The following GLB1L variants were observed in gnomAD, a reference collection of about 807,000 sequenced individuals.
GLB1L encodes beta-galactosidase-1-like protein.
GLB1L carries 58 observed loss-of-function variants against 75.7 expected under a neutral mutation model. The ratio of observed to expected loss-of-function variants is 0.77; its 90% confidence interval spans 0.62 to 0.95. GLB1L has a LOEUF of 0.95. GLB1L is among the 40% of genes least tolerant of loss of function. The probability of loss-of-function intolerance (pLI) is 0.00; values close to 1 mark genes in which losing one functional copy is unlikely to be tolerated. For missense variants in GLB1L, 797 were observed against 805.5 expected (o/e 0.99, Z 0.13); for synonymous variants, 296 against 303.0 (o/e 0.98, Z 0.24).
Position 219,242,774 on chromosome 2 carries a change from C to CGA in GLB1L, c.383_384insTC (p.Trp128CysfsTer19). The CGA allele has an allele frequency of 6.2e-7, 1 of 1,614,154 alleles. No homozygotes were observed. Among genetic ancestry groups the CGA allele is most frequent in the Non-Finnish European group, 8.5e-7 (1 of 1,180,020 alleles). On this transcript the variant is annotated frameshift_variant, in exon 4 of 17. Transcript: ENST00000295759. LOFTEE classifies it high-confidence loss of function. The stretch of plus-strand genomic sequence containing the variant: ...CCTTCTCCAGCTAACTCACCATCTC[C>CGA]CACTCTGCACAGATGTAAGGTCCTG...
chr2:219,239,522 C>T (rs1331912306), intron 9 of GLB1L, 39 bp downstream of exon 9: 1 of 1,613,940 alleles, frequency 6.2e-7, no homozygotes, highest in South Asian at 1.1e-5. Flanking sequence ...CCCCAGCTCC[C>T]AGCTACAGAT....
At chr2:219,242,611 G>A (rs776299768) in intron 4 of GLB1L, 37 bp from the exon 5 acceptor site, 3 of 1,594,684 alleles carry the variant, frequency 1.9e-6, no homozygotes, top group Non-Finnish European at 2.6e-6. Context: ...AAGCATGTAG[G>A]TTTTGTTTTG....
At chr2:219,238,459 G>A in intron 13 of GLB1L, 36 bp downstream of exon 13, 1 of 1,584,324 alleles carries the variant, frequency 6.3e-7, no homozygotes, top group Non-Finnish European at 8.7e-7. Context: ...GTTAAGGGAG[G>A]TTGTCATCTC....
At chr2:219,242,043 A>G (rs1243704381) in intron 5 of GLB1L, among the ~76,000 whole-genome samples, 2 of 152,148 alleles carry the variant, frequency 1.3e-5, no homozygotes, top group Non-Finnish European at 2.9e-5. Flanking sequence ...GCTGGAGTGT[A>G]GTTGTTCAAT....
In GLB1L at chr2:219,239,985, T is replaced by A. The variant is rs1312538312; in HGVS notation, c.656A>T (p.Asp219Val). The A allele has an allele frequency of 6.2e-7, 1 of 1,613,970 alleles. No individual in the cohort carries two copies. The highest frequency in any genetic ancestry group is 8.5e-7 in the Non-Finnish European group (1 of 1,180,038). ...GCCACACTTGAGTCCTTCAGGCCCA[T>A]CTGTGGTGAAGAGCAAGATCTTTTC... ...LGEKILLFTT[D>V]GPEGLKCGSL... is the part of the protein sequence containing the mutation. Residue 219 changes from aspartate to valine, a missense_variant, in exon 7 of 17, where the codon GAT becomes GTT. Transcript: ENST00000295759.
rs772252265 is a variant in GLB1L, at chr2:219,240,231, G to A, written c.506C>T (p.Pro169Leu). ...GTTGCCCCCATTGTGATAAAGCCAT[G>A]GATATATCTTGGGCAGCAAGACCTT... ...WFKVLLPKIYPWLYHNGGNII... is the reference protein window; with the variant it reads ...WFKVLLPKIYLWLYHNGGNII... Residue 169 changes from proline to leucine, a missense_variant, in exon 6 of 17, where the codon CCA becomes CTA. Pro to Leu is a moderately conservative substitution (Grantham distance 98). Transcript: ENST00000295759. 2.5e-6 allele frequency: 4 copies of A among 1,614,196 alleles called. No homozygotes were observed.
At chr2:219,238,063 GC>G (rs1951294487) in intron 14 of GLB1L, 106 bp from the exon 15 acceptor site, 1 of 1,207,248 alleles carries the variant, frequency 8.3e-7, no homozygotes, top group East Asian at 2.3e-5. Context: ...AGAGAATGTA[GC>G]CATCTATCAC....
rs1412994337 is a variant in GLB1L at position 219,240,199 on chromosome 2, T to C, written c.538A>G (p.Ser180Gly). Residue 180 changes from serine (S) to glycine (G), a missense_variant, in exon 6 of 17, where the codon AGC becomes GGC. Physicochemically the swap from Ser to Gly is moderately conservative, Grantham distance 56. Coordinates refer to ENST00000295759, the MANE Select transcript of GLB1L (RefSeq NM_001286423.2). ...TCACTTCCCCCTTGTACCTGAATGC[T>C]AATGATGTTGCCCCCATTGTGATAA... is the stretch of plus-strand genomic sequence containing the variant. ...WLYHNGGNIISIQVENEYGSY... is the reference protein window; with the variant it reads ...WLYHNGGNIIGIQVENEYGSY... 6.2e-7 allele frequency: 1 copy of C among 1,614,004 alleles called. No homozygotes were observed. The highest frequency in any genetic ancestry group is 8.5e-7 in the Non-Finnish European group (1 of 1,179,930).
intron 3 of GLB1L, 92 bp downstream of exon 3, chr2:219,243,056 T>G: frequency 3.2e-6 from 5 of 1,540,680 alleles, no homozygotes; most frequent in Non-Finnish European, 3.5e-6. Flanking sequence ...GGCCTAGGAG[T>G]CCTGGCAGTC....
rs373032667 is a variant in GLB1L, at chr2:219,237,974, G to C, written c.1342-17C>G. ...CTGGAACACCTGTGGATAGGAGATA[G>C]GATAGGAGCAAGGCTCAGCATCTAG... On this transcript the variant is annotated splice_polypyrimidine_tract_variant and intron_variant, in intron 14 of 16. Coordinates refer to ENST00000295759, the MANE Select transcript of GLB1L (RefSeq NM_001286423.2). The C allele has an allele frequency of 5.6e-5, 91 of 1,613,716 alleles. 1 individual carries two copies. In the African/African-American group the frequency reaches 1.1e-3, roughly 20 times the overall value.
At chr2:219,239,388 T>C (rs1951331346) in intron 10 of GLB1L, 23 bp downstream of exon 10, 1 of 1,573,434 alleles carries the variant, frequency 6.4e-7, no homozygotes, top group Non-Finnish European at 8.6e-7. Flanking sequence ...CCTGCTTCTA[T>C]CCCAGGGACC....
At position 219,236,926 on chromosome 2, in the gene GLB1L, C is replaced by G. The variant is rs554272299; in HGVS notation, c.*146G>C. 2.0e-5 allele frequency: 12 copies of G among 597,356 alleles called. No homozygotes were observed. The highest frequency in any genetic ancestry group is 3.2e-5 in the Non-Finnish European group (11 of 342,192). The allele number at this position is 597,356 out of a possible 1,614,324, so 37.0% of individuals were successfully genotyped here. On this transcript the variant is annotated 3_prime_UTR_variant, in exon 17 of 17. Coordinates refer to ENST00000295759, the MANE Select transcript of GLB1L (RefSeq NM_001286423.2). ...GATTAGAGGTGCCCACCATCACGCC[C>G]GGCTAATTTTTGTATTTTTAGTGGA...
chr2:219,239,034 G>T, intron 11 of GLB1L, 58 bp downstream of exon 11: 1 of 1,196,784 alleles, frequency 8.4e-7, no homozygotes, highest in Non-Finnish European at 1.2e-6. Flanking sequence ...TACAATGTGG[G>T]CACTCCCTTC....
At chr2:219,243,009 G>C in intron 3 of GLB1L, 91 bp from the exon 4 acceptor site, 1 of 1,573,422 alleles carries the variant, frequency 6.4e-7, no homozygotes, top group East Asian at 2.3e-5. Context: ...CCAGGAAGCG[G>C]TTGGAAGGAG....
At chr2:219,245,040 A>AGTCT (rs1322666932) in intron 1 of GLB1L, among the ~76,000 whole-genome samples, 189 bp downstream of exon 1, 3 of 152,236 alleles carry the variant, frequency 2.0e-5, no homozygotes, top group Admixed American at 2.0e-4. Flanking sequence ...AGAAACTGGA[A>AGTCT]GTCTGGTTCA....
At chr2:219,243,422 G>T in intron 2 of GLB1L, 80 bp downstream of exon 2, 1 of 1,600,022 alleles carries the variant, frequency 6.2e-7, no homozygotes, top group South Asian at 1.1e-5. Context: ...TTGTTTGGTT[G>T]TTACTTTGGA....
In GLB1L at chr2:219,237,908, G is replaced by A. The variant is rs976111222; in HGVS notation, c.1391C>T (p.Thr464Met). 17 of 1,613,788 alleles carry A rather than the reference G, an allele frequency of 1.1e-5. No individual in the cohort carries two copies. The highest frequency in any genetic ancestry group is 1.6e-4 in the Middle Eastern group (1 of 6,084). The change falls in exon 15 of 17, where the codon ACG (threonine) becomes ATG (methionine). Residue 464 changes from threonine (T) to methionine (M), a missense_variant. Transcript: ENST00000295759. The part of the protein sequence containing the change: ...ERNMRDKLFL[T>M]GKLGSKLDIL... ...ATCCAGTTTGGACCCCAGTTTCCCC[G>A]TCAAAAATAGTTTGTCTCTCATATT...
In GLB1L at chr2:219,236,679, A is replaced by G. The variant is rs1012969078; in HGVS notation, c.*393T>C. ...TGTACTTGTACTTACATTCAGAGGC[A>G]CTGTGGCCTTTAGTTCCTTAGGGTC... On this transcript the variant is annotated 3_prime_UTR_variant, in exon 17 of 17. Transcript: ENST00000295759. 7.9e-5 allele frequency: 44 copies of G among 554,140 alleles called. No individual in the cohort carries two copies. The South Asian group carries it at 1.0e-3, about 13-fold the overall frequency. The allele number at this position is 554,140 out of a possible 1,614,324, so 34.3% of individuals were successfully genotyped here.
In GLB1L at chr2:219,243,563, T is replaced by C. The variant is rs1263850604; in HGVS notation, c.11A>G (p.Lys4Arg). MAP[K>R]KLSCLRSLLL... ...CAGGGAACGAAGGCAGGACAGCTTC[T>C]TGGGAGCCATGGCGTTTACAGCGCT... Residue 4 changes from lysine to arginine, a missense_variant, in exon 2 of 17, where the codon AAG (lysine) becomes AGG (arginine). By Grantham distance (26) the Lys-to-Arg change is conservative. Transcript: ENST00000295759. The C allele has an allele frequency of 6.2e-7, 1 of 1,614,182 alleles. No homozygotes were observed. Among genetic ancestry groups the C allele is most frequent in the Non-Finnish European group, 8.5e-7 (1 of 1,180,022 alleles).
Sources: allele counts gnomAD v4.1 joint callset (sites outside exome capture counted in the v4.1 genomes callset), GRCh38; gene constraint gnomAD v4.1.1; transcripts MANE v1.5; gene names NCBI Gene and HGNC (gene_info 2026-07-23, HGNC 2026-07-21).